Variants in CHID1 observed in about 807,000 individuals in gnomAD.
CHID1 encodes chitinase domain containing 1, also known as chitinase domain-containing protein 1.
In CHID1, 44 loss-of-function variants were observed where a neutral mutation model predicts 55.4. The ratio of observed to expected loss-of-function variants is 0.79; its 90% CI spans 0.62 to 1.02. CHID1 has a LOEUF of 1.02. Ranked by LOEUF, CHID1 falls within the 50% of genes least tolerant of loss-of-function variation. CHID1 has a pLI of 0.00. For missense variants in CHID1, 491 were observed against 515.3 expected (o/e 0.95, Z 0.46); for synonymous variants, 216 against 212.9 (o/e 1.01, Z -0.13).
At chr11:872,623 T>G (rs1849253538) in intron 10 of CHID1, among the ~76,000 whole-genome samples, 1 of 152,196 alleles carries the variant, frequency 6.6e-6, no homozygotes, top group South Asian at 2.1e-4. Flanking sequence ...GGCAACGTCA[T>G]GGAGGCTGCC....
intron 10 of CHID1, among the ~76,000 whole-genome samples, chr11:874,199 C>T (rs948116119): frequency 1.2e-4 from 18 of 152,332 alleles, no homozygotes; most frequent in Admixed American, 2.0e-4. Context: ...TGGTGGCTCA[C>T]GCCTGTAATC....
chr11:900,267 G>C (rs1851709905), intron 5 of CHID1, among the ~76,000 whole-genome samples, 157 bp from the exon 6 acceptor site: 1 of 152,196 alleles, frequency 6.6e-6, no homozygotes, highest in Admixed American at 6.5e-5. Context: ...CACATGTCCA[G>C]AGAGGATGTC....
chr11:898,082 G>T (rs907419610), intron 7 of CHID1, among the ~76,000 whole-genome samples: 2 of 152,194 alleles, frequency 1.3e-5, no homozygotes, highest in Non-Finnish European at 2.9e-5. Context: ...ACAGGGGCAG[G>T]GCCTGTACCG....
intron 10 of CHID1, 21 bp downstream of exon 10, chr11:883,127 C>G: frequency 6.2e-7 from 1 of 1,602,122 alleles, no homozygotes; most frequent in Non-Finnish European, 8.5e-7. Flanking sequence ...TTCAGCACGG[C>G]AGGGAGAGCC....
At chr11:886,288 T>C (rs1043034889) in intron 8 of CHID1, among the ~76,000 whole-genome samples, 2 of 151,314 alleles carry the variant, frequency 1.3e-5, no homozygotes, top group Non-Finnish European at 2.9e-5. Flanking sequence ...AGCAAGACTC[T>C]GTCTCCACAT....
chr11:900,492 C>G (rs929359672), intron 5 of CHID1, among the ~76,000 whole-genome samples: 1 of 152,190 alleles, frequency 6.6e-6, no homozygotes, highest in African/African-American at 2.4e-5. Flanking sequence ...AACTTGTGCT[C>G]TTAATCCACT....
chr11:889,284 CCCCA>C (rs1398807412), intron 8 of CHID1, among the ~76,000 whole-genome samples: 1 of 152,212 alleles, frequency 6.6e-6, no homozygotes, highest in Non-Finnish European at 1.5e-5. Context: ...TCCCTGAAAC[CCCCA>C]CCCACCCACC....
intron 2 of CHID1, among the ~76,000 whole-genome samples, chr11:903,940 C>T (rs1458653302): frequency 1.3e-5 from 2 of 151,964 alleles, no homozygotes; most frequent in Non-Finnish European, 2.9e-5. Context: ...CCACCACCCC[C>T]ACCAATGCAA....
At position 868,858 on chromosome 11, in the gene CHID1, TCCC is replaced by T. The variant is rs901740040; in HGVS notation, c.*997_*999del. On this transcript the variant is annotated 3_prime_UTR_variant, in exon 13 of 13. Transcript: ENST00000323578. ...CACCCACTCCCTGGACTCACTTCTG[TCCC>T]CCCGAGAGACCTTGCCCGGGACATG... The T allele has an allele frequency of 6.6e-6, 1 of 151,444 alleles. No homozygotes were observed. The highest frequency in any genetic ancestry group is 1.9e-4 in the East Asian group (1 of 5,146). The allele number at this position is 151,444 out of a possible 1,614,324, so 9.4% of individuals were successfully genotyped here.
In CHID1 at chr11:902,221, G is replaced by A. The variant is rs139154177; in HGVS notation, c.371C>T (p.Thr124Met). The part of the protein sequence containing the change: ...KRRGREMFEV[T>M]GLHDVDQGWM... The stretch of plus-strand genomic sequence containing the variant: ...ACCTTGGTCCACGTCGTGGAGGCCC[G>A]TGACCTCAAACATCTCACGGCCACG... Residue 124 changes from threonine to methionine, a missense_variant, in exon 4 of 13, where the codon ACG becomes ATG. Coordinates refer to ENST00000323578, the MANE Select transcript of CHID1 (RefSeq NM_023947.4). The A allele has an allele frequency of 1.3e-5, 21 of 1,613,814 alleles. No individual in the cohort carries two copies. The highest frequency in any genetic ancestry group is 1.7e-5 in the Admixed American group (1 of 59,986).
intron 1 of CHID1, among the ~76,000 whole-genome samples, chr11:909,991 G>A (rs1852528520): frequency 6.6e-6 from 1 of 151,976 alleles, no homozygotes; most frequent in Admixed American, 6.6e-5. Context: ...GCCCAGAAGC[G>A]GAGGTTGCAG....
At chr11:899,824 A>G (rs1009104025) in intron 6 of CHID1, among the ~76,000 whole-genome samples, 180 bp downstream of exon 6, 6 of 152,246 alleles carry the variant, frequency 3.9e-5, no homozygotes, top group Non-Finnish European at 8.8e-5. Flanking sequence ...TGGTCAAGAA[A>G]GCGAGCAGCA....
intron 10 of CHID1, among the ~76,000 whole-genome samples, chr11:872,749 TG>T (rs1849260015): frequency 6.6e-6 from 1 of 152,222 alleles, no homozygotes; most frequent in African/African-American, 2.4e-5. Flanking sequence ...ATCTGCTGGG[TG>T]GCTCTGTGAG....
chr11:890,416 G>A (rs1054299260), intron 8 of CHID1, among the ~76,000 whole-genome samples: 4 of 152,356 alleles, frequency 2.6e-5, no homozygotes, highest in Middle Eastern at 6.8e-3. Flanking sequence ...AGCGATGGCC[G>A]GCCCTGAACC....
intron 10 of CHID1, among the ~76,000 whole-genome samples, chr11:871,140 A>G (rs906767606): frequency 6.6e-6 from 1 of 152,018 alleles, no homozygotes; most frequent in Non-Finnish European, 1.5e-5. Flanking sequence ...ACAAGCACAC[A>G]TCACCATGCC....
Position 869,302 on chromosome 11 carries a change from C to T in CHID1, c.*556G>A. Reference sequence around the variant, plus strand: ...GAGCCCATTTCTAGGGCAGCCCCTGCACCCTTGCCGTGCTGGACTCGGTGG... The same window carrying T: ...GAGCCCATTTCTAGGGCAGCCCCTGTACCCTTGCCGTGCTGGACTCGGTGG... On this transcript the variant is annotated 3_prime_UTR_variant, in exon 13 of 13. Transcript: ENST00000323578. The T allele has an allele frequency of 6.3e-6, 1 of 158,484 alleles. No individual in the cohort carries two copies. Among genetic ancestry groups the T allele is most frequent in the Non-Finnish European group, 1.4e-5 (1 of 72,034 alleles). The allele number at this position is 158,484 out of a possible 1,614,324, so 9.8% of individuals were successfully genotyped here.
chr11:899,251 C>A, intron 7 of CHID1, 89 bp downstream of exon 7: 1 of 1,295,678 alleles, frequency 7.7e-7, no homozygotes, highest in South Asian at 1.3e-5. Flanking sequence ...GGAAGGAAGG[C>A]CCTCCCCAAA....
rs546255379 is a variant in CHID1, at chr11:905,571, G to A, written c.-43-712C>T. On this transcript the variant is annotated intron_variant, in intron 1 of 12. Coordinates refer to ENST00000323578, the MANE Select transcript of CHID1 (RefSeq NM_023947.4). The stretch of plus-strand genomic sequence containing the variant: ...TGCAGTCCCAGCTACTCGGGAGGCT[G>A]AGGCAAGAGAATCGCTTGAACCCAG... 1.5e-4 allele frequency among the ~76,000 whole-genome samples: 23 copies of A among 152,164 alleles called. 1 individual carries two copies. Among genetic ancestry groups the A allele is most frequent in the African/African-American group, 5.3e-4 (22 of 41,502 alleles).
chr11:878,231 T>C (rs1012312817), intron 10 of CHID1, among the ~76,000 whole-genome samples: 1 of 152,182 alleles, frequency 6.6e-6, no homozygotes, highest in Non-Finnish European at 1.5e-5. Flanking sequence ...CTGGCCGACA[T>C]AGCAAAACCC....
Sources: gnomAD v4.1 joint callset for allele counts (sites outside exome capture counted in the v4.1 genomes callset) on GRCh38, gnomAD v4.1.1 for gene constraint, MANE v1.5 for transcripts, NCBI Gene and HGNC (gene_info 2026-07-23, HGNC 2026-07-21) for gene names.